Variants in NLRC5 observed in about 807,000 individuals in gnomAD.
NLRC5 encodes the protein protein NLRC5.
Under a neutral mutation model 206.9 loss-of-function variants are expected in NLRC5, and 114 were observed. The observed-to-expected ratio is 0.55, with a 90% CI of 0.47 to 0.64. The LOEUF is 0.64. Ranked by LOEUF, NLRC5 falls within the 30% of genes least tolerant of loss-of-function variation. NLRC5 has a pLI of 0.00. For synonymous variants in NLRC5, 952 were observed against 962.8 expected, an observed-to-expected ratio of 0.99 and a Z score of 0.21; for missense variants, 2,008 against 2,305.5, an observed-to-expected ratio of 0.87 and a Z score of 2.64.
intron 1 of NLRC5, among the ~76,000 whole-genome samples, chr16:57,008,015 T>A (rs2059107486): frequency 6.6e-6 from 1 of 152,160 alleles, no homozygotes; most frequent in African/African-American, 2.4e-5. Flanking sequence ...CATCCAGTTG[T>A]TTTTTTCTTT....
At position 57,069,937 on chromosome 16, in the gene NLRC5, G is replaced by A. The variant is rs781473793; in HGVS notation, c.4583+18G>A. 2 of 1,558,560 alleles carry A rather than the reference G, an allele frequency of 1.3e-6. No individual in the cohort carries two copies. Among genetic ancestry groups the A allele is most frequent in the Non-Finnish European group, 8.7e-7 (1 of 1,151,534 alleles). On this transcript the variant is annotated intron_variant, in intron 37 of 48. Transcript: ENST00000688547. ...GAGCTGGAGTGAGTTGCAGAGTGGA[G>A]GGATTGGGGACAAGTGGCCCAGCTG... is the stretch of plus-strand genomic sequence containing the variant.
intron 1 of NLRC5, among the ~76,000 whole-genome samples, chr16:56,995,284 T>C (rs530282439): frequency 3.5e-4 from 53 of 152,256 alleles, no homozygotes; most frequent in Non-Finnish European, 6.5e-4. Context: ...TAGCCTCCTA[T>C]AGGTCATGGC....
At chr16:57,061,312 C>T (rs1228528593) in intron 30 of NLRC5, 136 bp from the exon 31 acceptor site, 2 of 779,396 alleles carry the variant, frequency 2.6e-6, no homozygotes, top group Non-Finnish European at 4.0e-6. Context: ...CATATTTGGC[C>T]TCTCAGGCCC....
intron 1 of NLRC5, among the ~76,000 whole-genome samples, chr16:57,006,216 C>T (rs1319692119): frequency 6.6e-6 from 1 of 151,928 alleles, no homozygotes. Flanking sequence ...CCAGGCTCGT[C>T]TCAAACTCCT....
At chr16:57,078,389 A>G (rs769415956) in intron 43 of NLRC5, among the ~76,000 whole-genome samples, 7 of 151,798 alleles carry the variant, frequency 4.6e-5, no homozygotes, top group Non-Finnish European at 7.4e-5. Flanking sequence ...GTGCCAATCA[A>G]CGTGGCCTCA....
At chr16:57,043,726 G>A in intron 20 of NLRC5, 122 bp downstream of exon 20, 1 of 775,902 alleles carries the variant, frequency 1.3e-6, no homozygotes, top group South Asian at 1.4e-5. Flanking sequence ...ACCTTGGGCA[G>A]TACCAGATCT....
chr16:56,999,809 A>G (rs2058045273), intron 1 of NLRC5, among the ~76,000 whole-genome samples: 1 of 152,222 alleles, frequency 6.6e-6, no homozygotes. Flanking sequence ...AGAATCACTC[A>G]GCTCTGATTT....
chr16:57,055,524 G>A lies in NLRC5; in HGVS notation c.3746+5G>A. On this transcript the variant is annotated splice_donor_5th_base_variant and intron_variant, in intron 27 of 48. Coordinates refer to ENST00000688547, the MANE Select transcript of NLRC5 (RefSeq NM_001384950.1). ...TAAAGACCTCAGCCAGGTGGAGTAA[G>A]TTGAGGGAGGAGGAGGAAGGAGAGG... The A allele has an allele frequency of 6.2e-7, 1 of 1,611,990 alleles. No individual in the cohort carries two copies. Among genetic ancestry groups the A allele is most frequent in the South Asian group, 1.1e-5 (1 of 90,994 alleles).
At position 57,028,139 on chromosome 16, in the gene NLRC5, A is replaced by T. The variant is rs1187292672; in HGVS notation, c.2143A>T (p.Arg715Trp). 1 of 1,613,318 alleles carries T rather than the reference A, an allele frequency of 6.2e-7. No homozygotes were observed. The highest frequency in any genetic ancestry group is 1.7e-5 in the Admixed American group (1 of 59,978). ...CTCCAGGAGCTTGCCGACAATGGGG[A>T]GGCTGCAGATGCTGGGGTGAGCCAG... ...ALSRSLPTMG[R>W]LQMLGLAGSK... Residue 715 changes from arginine to tryptophan, a missense_variant, in exon 7 of 49, where the codon AGG becomes TGG. By Grantham distance (101) the Arg-to-Trp change is moderately radical. Transcript: ENST00000688547.
intron 1 of NLRC5, among the ~76,000 whole-genome samples, chr16:57,003,493 GC>G (rs1169204394): frequency 6.6e-6 from 1 of 152,040 alleles, no homozygotes; most frequent in East Asian, 1.9e-4. Context: ...CTGCCCGGAT[GC>G]CCCCACTCAC....
chr16:57,020,803 A>C lies in NLRC5; in HGVS notation c.91A>C (p.Lys31Gln). ...LTKDPEWLNA[K>Q]MKFFLPNTDL... ...CAAAGACCCAGAATGGCTGAACGCC[A>C]AGATGAAGTTCTTCCTCCCCAACAC... The change falls in exon 3 of 49, where the codon AAG becomes CAG. Residue 31 changes from lysine (K) to glutamine (Q), a missense_variant. Coordinates refer to ENST00000688547, the MANE Select transcript of NLRC5 (RefSeq NM_001384950.1). 6.2e-7 allele frequency: 1 copy of C among 1,613,380 alleles called. No individual in the cohort carries two copies. Among genetic ancestry groups the C allele is most frequent in the Non-Finnish European group, 8.5e-7 (1 of 1,179,874 alleles).
At chr16:57,039,924 G>GACTGACTGGCACTGC in intron 16 of NLRC5, 75 bp downstream of exon 16, 1 of 1,279,730 alleles carries the variant, frequency 7.8e-7, no homozygotes, top group African/African-American at 1.5e-5. Flanking sequence ...GCTGGGCAGT[G>GACTGACTGGCACTGC]CCAGTCAGTC....
chr16:57,029,939 C>G (rs1249105767), intron 9 of NLRC5, 56 bp from the exon 10 acceptor site: 1 of 1,608,390 alleles, frequency 6.2e-7, no homozygotes, highest in African/African-American at 1.3e-5. Flanking sequence ...CAAGGAAGGT[C>G]TGGGGCCCCT....
chr16:57,048,911 A>G (rs1164182914), intron 23 of NLRC5, among the ~76,000 whole-genome samples: 4 of 152,144 alleles, frequency 2.6e-5, no homozygotes, highest in Non-Finnish European at 5.9e-5. Flanking sequence ...ACCTGTTTTC[A>G]CAGAGTATAT....
Position 57,079,213 on chromosome 16 carries a change from C to T in NLRC5, c.5166-8C>T, listed in dbSNP as rs771480730. The T allele has an allele frequency of 3.8e-5, 62 of 1,614,034 alleles. No individual in the cohort carries two copies. Among genetic ancestry groups the T allele is most frequent in the Non-Finnish European group, 4.9e-5 (58 of 1,180,022 alleles). ...GTTCCTCTCACAGGTATCTCCCCTACCCTGCAGCTTGGCGGAAAACAACCT... is the reference window on the plus strand; with the variant it reads ...GTTCCTCTCACAGGTATCTCCCCTATCCTGCAGCTTGGCGGAAAACAACCT... On this transcript the variant is annotated splice_region_variant and splice_polypyrimidine_tract_variant and intron_variant, in intron 44 of 48. Transcript: ENST00000688547.
chr16:57,065,662 A>C (rs1291430369), intron 33 of NLRC5, among the ~76,000 whole-genome samples: 2 of 152,224 alleles, frequency 1.3e-5, no homozygotes, highest in Middle Eastern at 6.3e-3. Context: ...AGCTTATAGC[A>C]AAGGTTTTAG....
chr16:57,026,997 G>A lies in NLRC5; in HGVS notation c.2054G>A (p.Cys685Tyr). The A allele has an allele frequency of 1.2e-6, 2 of 1,613,948 alleles. No homozygotes were observed. The highest frequency in any genetic ancestry group is 1.7e-6 in the Non-Finnish European group (2 of 1,179,862). ...EPHCPEALVGCGQIENLSFKS... is the reference protein window; with the variant it reads ...EPHCPEALVGYGQIENLSFKS... ...CACTGCCCTGAGGCTCTGGTAGGCTGTGGGCAGATAGAGAATCTCAGGTGA... is the reference window on the plus strand; with the variant it reads ...CACTGCCCTGAGGCTCTGGTAGGCTATGGGCAGATAGAGAATCTCAGGTGA... Residue 685 changes from cysteine to tyrosine, a missense_variant, in exon 6 of 49, where the codon TGT becomes TAT. Cys to Tyr is a radical substitution (Grantham distance 194, BLOSUM62 -2). Transcript: ENST00000688547.
chr16:57,023,191 T>A (rs2060865744), intron 4 of NLRC5, among the ~76,000 whole-genome samples: 1 of 152,210 alleles, frequency 6.6e-6, no homozygotes, highest in South Asian at 2.1e-4. Flanking sequence ...TCCTCTTTCC[T>A]TTCTCCCTCC....
chr16:57,022,373 T>C, intron 4 of NLRC5, 58 bp downstream of exon 4: 1 of 1,486,468 alleles, frequency 6.7e-7, no homozygotes, highest in Non-Finnish European at 9.3e-7. Flanking sequence ...AGTCCCCACT[T>C]CCAAGCTGGA....
Sources: allele counts gnomAD v4.1 joint callset (sites outside exome capture counted in the v4.1 genomes callset), GRCh38; gene constraint gnomAD v4.1.1; transcripts MANE v1.5; gene names NCBI Gene and HGNC (gene_info 2026-07-23, HGNC 2026-07-21).